Variants in CHRM3 observed in about 807,000 individuals in gnomAD.
The protein encoded by CHRM3 is cholinergic receptor muscarinic 3.
Under a neutral mutation model 41.8 loss-of-function variants are expected in CHRM3, and 11 were observed. That is an observed-to-expected ratio of 0.26 (90% CI 0.17 to 0.44). CHRM3 has a LOEUF of 0.44. Ranked by LOEUF, CHRM3 falls within the 20% of genes least tolerant of loss-of-function variation. CHRM3 has a pLI of 1.00. For synonymous variants in CHRM3, 297 were observed against 301.4 expected (o/e 0.99, Z 0.15); for missense variants, 571 against 745.4 (o/e 0.77, Z 2.72).
chr1:239,727,735 C>G (rs1050777249), intron 5 of CHRM3: 1 of 151,844 alleles, frequency 6.6e-6, no homozygotes, highest in Non-Finnish European at 1.5e-5. Context: ...CAAACCTGCT[C>G]CACTGACGGA....
intron 2 of CHRM3, among the ~76,000 whole-genome samples, chr1:239,505,901 A>G (rs1668535938): frequency 6.6e-6 from 1 of 152,172 alleles, no homozygotes; most frequent in African/African-American, 2.4e-5. Context: ...CTTCTTAGCA[A>G]CTAGAGCAAA....
chr1:239,580,230 G>T (rs997836491), intron 3 of CHRM3, among the ~76,000 whole-genome samples: 2 of 146,432 alleles, frequency 1.4e-5, no homozygotes, highest in African/African-American at 5.0e-5. Flanking sequence ...TTTGTAACCA[G>T]TCTGTACTAC....
At chr1:239,487,800 AG>A (rs1234454026) in intron 1 of CHRM3, among the ~76,000 whole-genome samples, 2 of 151,654 alleles carry the variant, frequency 1.3e-5, no homozygotes, top group East Asian at 3.9e-4. Context: ...ATAGAAAAAA[AG>A]CTGTGCTACT....
At chr1:239,569,771 G>C (rs1159689279) in intron 3 of CHRM3, among the ~76,000 whole-genome samples, 1 of 152,130 alleles carries the variant, frequency 6.6e-6, no homozygotes, top group Non-Finnish European at 1.5e-5. Flanking sequence ...GCTGGACTGG[G>C]TCAAGTGTCT....
At chr1:239,415,805 A>G (rs946255509) in intron 1 of CHRM3, among the ~76,000 whole-genome samples, 4 of 152,232 alleles carry the variant, frequency 2.6e-5, no homozygotes, top group African/African-American at 9.6e-5. Context: ...TCCAAGTAGT[A>G]TCATCTAGGC....
At chr1:239,737,958 T>G (rs1664524395) in intron 5 of CHRM3, among the ~76,000 whole-genome samples, 1 of 152,148 alleles carries the variant, frequency 6.6e-6, no homozygotes, top group Non-Finnish European at 1.5e-5. Context: ...TACTTTTGTT[T>G]CTTCCTTATA....
At chr1:239,853,450 A>AG (rs1260172912) in intron 6 of CHRM3, among the ~76,000 whole-genome samples, 1 of 151,948 alleles carries the variant, frequency 6.6e-6, no homozygotes, top group Admixed American at 6.6e-5. Context: ...TGCAATTTCT[A>AG]GCCAAGCATA....
chr1:239,872,421 A>C, intron 6 of CHRM3, among the ~76,000 whole-genome samples: 1 of 152,176 alleles, frequency 6.6e-6, no homozygotes, highest in Non-Finnish European at 1.5e-5. Flanking sequence ...TAGACCAGAA[A>C]GAGGAGTAGC....
intron 3 of CHRM3, among the ~76,000 whole-genome samples, chr1:239,577,866 G>T (rs1166037458): frequency 1.3e-5 from 2 of 152,054 alleles, no homozygotes; most frequent in African/African-American, 4.8e-5. Flanking sequence ...ATCCTCTAAA[G>T]TGCCCATGGC....
At chr1:239,759,181 TGTTTTTTTTTTTTTTAG>T (rs1454345369) in intron 5 of CHRM3, among the ~76,000 whole-genome samples, 2,733 of 143,410 alleles carry the variant, frequency 0.019, 101 homozygotes, top group East Asian at 0.12. Flanking sequence ...TTTTTTTTTT[TGTTTTTTTTTTTTTTAG>T]AGAGAGGCTT....
At chr1:239,520,756 C>G (rs1467726476) in intron 2 of CHRM3, among the ~76,000 whole-genome samples, 2 of 152,182 alleles carry the variant, frequency 1.3e-5, no homozygotes. Context: ...CCAGCTCTTA[C>G]AGCAGTAAGC....
At position 239,447,069 on chromosome 1, in the gene CHRM3, A is replaced by C. The variant is rs577656037; in HGVS notation, c.-520-45640A>C. ...TCTTTTGGTTTGTCAGTACTTTGCA[A>C]ATATTATTTAACTGGAATCTAATTC... On this transcript the variant is annotated intron_variant, in intron 1 of 6. Transcript: ENST00000676153. Among the ~76,000 whole-genome samples, 4 of 152,170 alleles carry C rather than the reference A, an allele frequency of 2.6e-5. No individual in the cohort carries two copies. In the South Asian group the frequency reaches 6.2e-4, roughly 24 times the overall value.
intron 3 of CHRM3, among the ~76,000 whole-genome samples, chr1:239,600,229 C>T (rs1299433794): frequency 1.3e-5 from 2 of 152,132 alleles, no homozygotes; most frequent in Non-Finnish European, 2.9e-5. Flanking sequence ...ATCATCTCTA[C>T]TGTGACCATG....
At chr1:239,816,730 G>GT (rs1310744004) in intron 5 of CHRM3, among the ~76,000 whole-genome samples, 2 of 101,728 alleles carry the variant, frequency 2.0e-5, no homozygotes. Flanking sequence ...CTGTGCCTCA[G>GT]TCTTTTTTTT....
intron 5 of CHRM3, among the ~76,000 whole-genome samples, chr1:239,700,978 T>A (rs1445089587): frequency 1.3e-5 from 2 of 152,212 alleles, no homozygotes; most frequent in African/African-American, 4.8e-5. Context: ...ACCATCTCCC[T>A]TATCCTAACT....
At chr1:239,802,099 G>A (rs1670267492) in intron 5 of CHRM3, among the ~76,000 whole-genome samples, 1 of 151,932 alleles carries the variant, frequency 6.6e-6, no homozygotes, top group South Asian at 2.1e-4. Context: ...TTCCAAAAAT[G>A]AGAAATTCTG....
rs1212115366 is a variant in CHRM3 at position 239,569,269 on chromosome 1, A to G, written c.-313+23520A>G. Among the ~76,000 whole-genome samples, 5 of 152,280 alleles carry G rather than the reference A, an allele frequency of 3.3e-5. No individual in the cohort carries two copies. In the East Asian group the frequency reaches 7.7e-4, roughly 24 times the overall value. ...CAAAAGATTGTTTTTAAAAATGGTA[A>G]ATGGTGTTTAGTATGTACAATGACA... On this transcript the variant is annotated intron_variant, in intron 3 of 6. Transcript: ENST00000676153.
intron 1 of CHRM3, among the ~76,000 whole-genome samples, chr1:239,491,559 C>T (rs1667554340): frequency 1.3e-5 from 2 of 152,190 alleles, no homozygotes; most frequent in Non-Finnish European, 2.9e-5. Context: ...ATTATATATA[C>T]CACATTTTCT....
chr1:239,620,600 C>A (rs1668250018), intron 3 of CHRM3, among the ~76,000 whole-genome samples: 2 of 151,572 alleles, frequency 1.3e-5, no homozygotes, highest in African/African-American at 2.4e-5. Flanking sequence ...CAGTATGTAC[C>A]AAAATTTAAG....
Sources: gnomAD v4.1 joint callset for allele counts (sites outside exome capture counted in the v4.1 genomes callset) on GRCh38, gnomAD v4.1.1 for gene constraint, MANE v1.5 for transcripts, NCBI Gene and HGNC (gene_info 2026-07-23, HGNC 2026-07-21) for gene names.